SLC25A13: variants seen among roughly 807,000 people sequenced by gnomAD.
SLC25A13 encodes the protein electrogenic aspartate/glutamate antiporter SLC25A13, mitochondrial.
Under a neutral mutation model 85.5 loss-of-function variants are expected in SLC25A13, and 70 were observed. The ratio of observed to expected loss-of-function variants is 0.82; its 90% CI spans 0.68 to 1.00. SLC25A13 has a LOEUF of 1.00. Among genes scored for constraint, SLC25A13 ranks in the 50% least tolerant of loss-of-function variants. The pLI, the probability that SLC25A13 is intolerant of heterozygous loss-of-function variation, is 0.00. For missense variants in SLC25A13, 765 were observed against 819.8 expected (o/e 0.93, Z 0.82); for synonymous variants, 259 against 288.7 (o/e 0.90, Z 1.04).
intron 4 of SLC25A13, among the ~76,000 whole-genome samples, chr7:96,224,664 C>G (rs1005040141): frequency 6.6e-6 from 1 of 152,228 alleles, no homozygotes; most frequent in Non-Finnish European, 1.5e-5. Context: ...ACACTGGTAA[C>G]TCTAAGCCAG....
intron 1 of SLC25A13, among the ~76,000 whole-genome samples, chr7:96,313,556 A>T (rs1800021693): frequency 6.6e-6 from 1 of 152,178 alleles, no homozygotes; most frequent in South Asian, 2.1e-4. Context: ...GTGGGAGCTA[A>T]ACAATGGGTA....
intron 3 of SLC25A13, among the ~76,000 whole-genome samples, chr7:96,237,243 G>A (rs936086407): frequency 1.3e-5 from 2 of 152,190 alleles, no homozygotes; most frequent in African/African-American, 2.4e-5. Flanking sequence ...CTGGTGCTTT[G>A]TGTTTGGCTT....
intron 1 of SLC25A13, among the ~76,000 whole-genome samples, chr7:96,303,936 T>C (rs1584597943): frequency 6.6e-6 from 1 of 152,242 alleles, no homozygotes; most frequent in East Asian, 1.9e-4. Context: ...AATAAATCTC[T>C]CTCTGCTTAA....
chr7:96,199,141 T>A lies in SLC25A13; in HGVS notation c.469-5958A>T, dbSNP rs182373809. Among the ~76,000 whole-genome samples, 225 of 152,318 alleles carry A rather than the reference T, an allele frequency of 1.5e-3. 1 individual carries two copies. Among genetic ancestry groups the A allele is most frequent in the Non-Finnish European group, 1.9e-4 (13 of 68,016 alleles). On this transcript the variant is annotated intron_variant, in intron 5 of 17. Transcript: ENST00000265631. ...CGAGGTGGTCCTACCATCACCTCTG[T>A]TCTGAAGATGGAAAAATGAGGTAAG...
At chr7:96,124,524 T>G (rs1473972892) in intron 15 of SLC25A13, among the ~76,000 whole-genome samples, 2 of 152,240 alleles carry the variant, frequency 1.3e-5, no homozygotes, top group Non-Finnish European at 2.9e-5. Context: ...TATGCCTGTG[T>G]GCTTCTGAAC....
intron 1 of SLC25A13, among the ~76,000 whole-genome samples, chr7:96,302,557 C>T (rs954970812): frequency 6.6e-6 from 1 of 152,168 alleles, no homozygotes; most frequent in South Asian, 2.1e-4. Flanking sequence ...CAAAGCTCTC[C>T]TCTTTCACTG....
chr7:96,299,744 T>C (rs895851336), intron 1 of SLC25A13, among the ~76,000 whole-genome samples: 2 of 152,238 alleles, frequency 1.3e-5, no homozygotes, highest in African/African-American at 2.4e-5. Flanking sequence ...CATCATTGTG[T>C]GAACATCATA....
intron 3 of SLC25A13, among the ~76,000 whole-genome samples, chr7:96,265,075 T>C (rs1405540770): frequency 2.0e-5 from 3 of 152,196 alleles, no homozygotes; most frequent in Non-Finnish European, 4.4e-5. Context: ...TGTTCTTCTT[T>C]GATACAACAC....
chr7:96,237,344 A>C (rs774642383), intron 3 of SLC25A13, among the ~76,000 whole-genome samples: 1 of 152,192 alleles, frequency 6.6e-6, no homozygotes, highest in South Asian at 2.1e-4. Flanking sequence ...ACACTGGGGA[A>C]GCAAAGTACA....
At chr7:96,232,942 A>G (rs1433255673) in intron 4 of SLC25A13, among the ~76,000 whole-genome samples, 4 of 152,184 alleles carry the variant, frequency 2.6e-5, no homozygotes, top group African/African-American at 9.7e-5. Context: ...CTGCTTCTTC[A>G]CTATCATTTT....
chr7:96,317,880 C>G (rs1800190884), intron 1 of SLC25A13, among the ~76,000 whole-genome samples: 3 of 150,610 alleles, frequency 2.0e-5, no homozygotes, highest in Non-Finnish European at 2.9e-5. Flanking sequence ...CAGCTCACTG[C>G]AACCTCTGCC....
At chr7:96,193,947 C>G (rs914824951) in intron 5 of SLC25A13, among the ~76,000 whole-genome samples, 4 of 152,146 alleles carry the variant, frequency 2.6e-5, no homozygotes, top group Admixed American at 1.3e-4. Flanking sequence ...ACAGAAAGTC[C>G]AATCACAGAG....
chr7:96,214,907 C>T (rs1039618900), intron 4 of SLC25A13, among the ~76,000 whole-genome samples: 1 of 151,990 alleles, frequency 6.6e-6, no homozygotes, highest in African/African-American at 2.4e-5. Context: ...CCCATGTTCA[C>T]GGATTAAAAG....
intron 9 of SLC25A13, among the ~76,000 whole-genome samples, chr7:96,185,560 C>T (rs1794602585): frequency 6.6e-6 from 1 of 151,832 alleles, no homozygotes; most frequent in Admixed American, 6.6e-5. Flanking sequence ...CACGCCACTG[C>T]ACTTCAGCCT....
At chr7:96,262,392 A>C (rs985990860) in intron 3 of SLC25A13, among the ~76,000 whole-genome samples, 3 of 152,222 alleles carry the variant, frequency 2.0e-5, no homozygotes, top group African/African-American at 7.2e-5. Context: ...ATATGGAAGA[A>C]CTGTTGGTAT....
chr7:96,160,316 G>A (rs928472597), intron 13 of SLC25A13, among the ~76,000 whole-genome samples: 2 of 152,212 alleles, frequency 1.3e-5, no homozygotes, highest in African/African-American at 4.8e-5. Context: ...TAGCATGAAA[G>A]TTGGACTTTC....
At chr7:96,193,405 C>G (rs1309266736) in intron 5 of SLC25A13, among the ~76,000 whole-genome samples, 2 of 152,188 alleles carry the variant, frequency 1.3e-5, no homozygotes, top group Non-Finnish European at 2.9e-5. Context: ...CTACCTTACT[C>G]TGCTACCCAA....
At chr7:96,188,882 C>T (rs765775426) in intron 9 of SLC25A13, among the ~76,000 whole-genome samples, 2 of 152,176 alleles carry the variant, frequency 1.3e-5, no homozygotes, top group African/African-American at 2.4e-5. Flanking sequence ...GGCAGTTAGA[C>T]GATGCGCTGA....
At chr7:96,286,143 G>T (rs1390013598) in intron 2 of SLC25A13, among the ~76,000 whole-genome samples, 2 of 151,946 alleles carry the variant, frequency 1.3e-5, no homozygotes, top group Non-Finnish European at 2.9e-5. Context: ...AATTACCCGG[G>T]CATGGTGGCA....
Sources: allele counts gnomAD v4.1 joint callset (sites outside exome capture counted in the v4.1 genomes callset), GRCh38; gene constraint gnomAD v4.1.1; transcripts MANE v1.5; gene names NCBI Gene and HGNC (gene_info 2026-07-23, HGNC 2026-07-21).